Variants in PDZRN3 observed in about 807,000 individuals in gnomAD.
PDZRN3 encodes the protein E3 ubiquitin-protein ligase PDZRN3.
Under a neutral mutation model 85.7 loss-of-function variants are expected in PDZRN3, and 38 were observed. The observed-to-expected ratio is 0.44, with a 90% confidence interval of 0.34 to 0.58. The LOEUF (loss-of-function observed/expected upper bound fraction) is 0.58. Ranked by LOEUF, PDZRN3 falls within the 20% of genes least tolerant of loss-of-function variation. The pLI is 0.01. For synonymous variants in PDZRN3, 759 were observed against 638.0 expected, an observed-to-expected ratio of 1.19 and a Z score of -2.86; for missense variants, 1,629 against 1,506.4, an observed-to-expected ratio of 1.08 and a Z score of -1.35.
At chr3:73,408,012 C>T in intron 3 of PDZRN3, 1 of 614,608 alleles carries the variant, frequency 1.6e-6, no homozygotes, top group Non-Finnish European at 2.9e-6. Context: ...GAATGTCCCC[C>T]CTGCCTACAG....
At chr3:73,558,626 A>C (rs1263559696) in intron 3 of PDZRN3, among the ~76,000 whole-genome samples, 3 of 151,808 alleles carry the variant, frequency 2.0e-5, no homozygotes, top group Non-Finnish European at 2.9e-5. Flanking sequence ...AGGGGCTGGG[A>C]CCCAGAGGAC....
intron 3 of PDZRN3, among the ~76,000 whole-genome samples, chr3:73,469,224 C>G (rs1303836238): frequency 6.6e-6 from 1 of 152,082 alleles, no homozygotes; most frequent in African/African-American, 2.4e-5. Context: ...AGGTGCCCAC[C>G]ACCATGCCCA....
At chr3:73,467,303 C>T (rs1358128479) in intron 3 of PDZRN3, among the ~76,000 whole-genome samples, 1 of 152,180 alleles carries the variant, frequency 6.6e-6, no homozygotes, top group Admixed American at 6.5e-5. Flanking sequence ...GGAATCTACC[C>T]AGGTGAAGGA....
At chr3:73,466,221 A>C (rs116891007) in intron 3 of PDZRN3, among the ~76,000 whole-genome samples, 1 of 152,206 alleles carries the variant, frequency 6.6e-6, no homozygotes, top group East Asian at 1.9e-4. Flanking sequence ...ACAAGATTTT[A>C]CAAATTTGAC....
intron 3 of PDZRN3, among the ~76,000 whole-genome samples, chr3:73,553,811 T>C (rs1449623860): frequency 6.6e-6 from 1 of 152,006 alleles, no homozygotes; most frequent in Non-Finnish European, 1.5e-5. Context: ...TCTGGCAAAG[T>C]AGTGGCGGCA....
intron 3 of PDZRN3, among the ~76,000 whole-genome samples, chr3:73,581,951 T>G (rs1219723197): frequency 6.6e-6 from 1 of 151,628 alleles, no homozygotes; most frequent in East Asian, 1.9e-4. Flanking sequence ...ATACAAGAAA[T>G]TAGCTGTGTG....
intron 3 of PDZRN3, among the ~76,000 whole-genome samples, chr3:73,456,765 A>G (rs1702986086): frequency 6.6e-6 from 1 of 152,218 alleles, no homozygotes; most frequent in Non-Finnish European, 1.5e-5. Context: ...CCAACGTTCA[A>G]GACTAGGCCA....
chr3:73,595,786 T>C (rs1702422665), intron 3 of PDZRN3, among the ~76,000 whole-genome samples: 3 of 152,172 alleles, frequency 2.0e-5, no homozygotes, highest in Non-Finnish European at 2.9e-5. Context: ...AAATTAGAGG[T>C]ATTGATATAG....
In PDZRN3 at chr3:73,473,937, G is replaced by A. The variant is rs575889353; in HGVS notation, c.919-69542C>T. On this transcript the variant is annotated intron_variant, in intron 3 of 9. Coordinates refer to ENST00000263666, the MANE Select transcript of PDZRN3 (RefSeq NM_015009.3). ...TCAGCAACTGTGTGACATAATAAAT[G>A]GTTGCTGTTTAAGTCACTAGGTGTT... 3.2e-4 allele frequency among the ~76,000 whole-genome samples: 48 copies of A among 152,290 alleles called. No homozygotes were observed. The South Asian group carries it at 9.3e-3, about 30-fold the overall frequency.
chr3:73,420,920 C>A (rs1702187626), intron 3 of PDZRN3, among the ~76,000 whole-genome samples: 2 of 152,148 alleles, frequency 1.3e-5, no homozygotes, highest in African/African-American at 4.8e-5. Context: ...ATATACTTGT[C>A]CTAATTGCTA....
At chr3:73,600,333 ACACACTCT>A (rs1237192205) in intron 3 of PDZRN3, among the ~76,000 whole-genome samples, 12 of 38,442 alleles carry the variant, frequency 3.1e-4, no homozygotes, top group African/African-American at 7.9e-4. Context: ...ACACACACAC[ACACACTCT>A]CTCTCTCTCT....
intron 3 of PDZRN3, among the ~76,000 whole-genome samples, chr3:73,489,324 C>G (rs1021620717): frequency 2.4e-4 from 36 of 152,142 alleles, no homozygotes; most frequent in African/African-American, 8.0e-4. Context: ...TTTCAAACAA[C>G]GGATCCCCAT....
rs971198786 is a variant in PDZRN3 at position 73,407,690 on chromosome 3, T to G, written c.919-3295A>C. ...AACTATTGCTTTACTTGGATACATTTTTATAAACCAAATGCTAGTACCATT... is the reference window on the plus strand; with the variant it reads ...AACTATTGCTTTACTTGGATACATTGTTATAAACCAAATGCTAGTACCATT... On this transcript the variant is annotated intron_variant, in intron 3 of 9. Transcript: ENST00000263666. Among the ~76,000 whole-genome samples, 6 of 152,194 alleles carry G rather than the reference T, an allele frequency of 3.9e-5. 1 individual carries two copies. The highest frequency in any genetic ancestry group is 8.8e-5 in the Non-Finnish European group (6 of 68,032).
At chr3:73,533,442 T>G (rs1241509051) in intron 3 of PDZRN3, among the ~76,000 whole-genome samples, 1 of 152,196 alleles carries the variant, frequency 6.6e-6, no homozygotes, top group Non-Finnish European at 1.5e-5. Flanking sequence ...ATCACCAGAA[T>G]TTTAAATCAC....
intron 3 of PDZRN3, among the ~76,000 whole-genome samples, chr3:73,529,948 C>A (rs1021258623): frequency 5.3e-5 from 8 of 152,190 alleles, no homozygotes; most frequent in Admixed American, 1.3e-4. Context: ...CATTAATGCA[C>A]AGCAAGCCCT....
chr3:73,539,832 G>A (rs1348924167), intron 3 of PDZRN3, among the ~76,000 whole-genome samples: 1 of 152,020 alleles, frequency 6.6e-6, no homozygotes, highest in Non-Finnish European at 1.5e-5. Flanking sequence ...GCTAGGTATA[G>A]CTACACAATT....
At chr3:73,612,894 T>C (rs2106910434) in intron 1 of PDZRN3, among the ~76,000 whole-genome samples, 1 of 152,306 alleles carries the variant, frequency 6.6e-6, no homozygotes, top group East Asian at 1.9e-4. Context: ...CAGTATGGCA[T>C]CTGGCCAATA....
chr3:73,547,651 G>A (rs1374370767), intron 3 of PDZRN3, among the ~76,000 whole-genome samples: 3 of 152,236 alleles, frequency 2.0e-5, no homozygotes, highest in African/African-American at 7.2e-5. Context: ...CTGCCTCCAA[G>A]AGATGCTGTG....
At chr3:73,551,119 G>T (rs1040401970) in intron 3 of PDZRN3, among the ~76,000 whole-genome samples, 3 of 152,208 alleles carry the variant, frequency 2.0e-5, no homozygotes, top group African/African-American at 7.2e-5. Context: ...CCCTGTATGT[G>T]CAGGGCCAAA....
Sources: allele counts gnomAD v4.1 joint callset (sites outside exome capture counted in the v4.1 genomes callset), GRCh38; gene constraint gnomAD v4.1.1; transcripts MANE v1.5; gene names NCBI Gene and HGNC (gene_info 2026-07-23, HGNC 2026-07-21).